The following NLGN1 variants were observed in gnomAD, a reference collection of about 807,000 sequenced individuals.
NLGN1 encodes the protein neuroligin 1.
A neutral mutation model predicts 65.5 loss-of-function variants in NLGN1; 12 were observed. The observed-to-expected ratio is 0.18, with a 90% CI of 0.12 to 0.30. NLGN1 has a LOEUF of 0.30. Ranked by LOEUF, NLGN1 falls within the 10% of genes least tolerant of loss-of-function variation. The pLI is 1.00. For missense variants in NLGN1, 750 were observed against 1,007.1 expected (o/e 0.74, Z 3.46); for synonymous variants, 350 against 359.5 (o/e 0.97, Z 0.30).
intron 4 of NLGN1, among the ~76,000 whole-genome samples, chr3:173,980,086 A>G (rs1396483706): frequency 6.6e-6 from 1 of 152,100 alleles, no homozygotes; most frequent in Non-Finnish European, 1.5e-5. Context: ...TACTTACTCA[A>G]TACAAATACA....
At chr3:174,179,351 G>T (rs1248255462) in intron 4 of NLGN1, among the ~76,000 whole-genome samples, 1 of 152,070 alleles carries the variant, frequency 6.6e-6, no homozygotes, top group Non-Finnish European at 1.5e-5. Context: ...GATAGGTAAA[G>T]TTGAATATGT....
chr3:173,434,662 C>A (rs1258804787), intron 1 of NLGN1, among the ~76,000 whole-genome samples: 1 of 152,138 alleles, frequency 6.6e-6, no homozygotes, highest in Admixed American at 6.5e-5. Flanking sequence ...TTGAATGTTC[C>A]TGTCCTTTCT....
At chr3:174,241,608 G>A (rs750879293) in intron 4 of NLGN1, among the ~76,000 whole-genome samples, 1 of 150,688 alleles carries the variant, frequency 6.6e-6, no homozygotes, top group Non-Finnish European at 1.5e-5. Context: ...GGGCACACAG[G>A]TAGTAAATTG....
At chr3:173,484,648 A>T (rs1727861502) in intron 2 of NLGN1, among the ~76,000 whole-genome samples, 1 of 152,190 alleles carries the variant, frequency 6.6e-6, no homozygotes, top group Non-Finnish European at 1.5e-5. Context: ...ACATAGGCCA[A>T]TATATCTATG....
In NLGN1 at chr3:174,160,659, A is replaced by C. The variant is rs115426300; in HGVS notation, c.647-114656A>C. 4.1e-3 allele frequency among the ~76,000 whole-genome samples: 623 copies of C among 150,428 alleles called. 4 individuals are homozygous for C. The highest frequency in any genetic ancestry group is 0.014 in the African/African-American group (597 of 41,284). The stretch of plus-strand genomic sequence containing the variant: ...TAAATATTTATCTTGTCTCCTTCCT[A>C]TATAATATATAGGAATATATATTAT... On this transcript the variant is annotated intron_variant, in intron 4 of 6. Transcript: ENST00000457714.
chr3:174,095,000 G>A (rs111474330), intron 4 of NLGN1, among the ~76,000 whole-genome samples: 2 of 152,134 alleles, frequency 1.3e-5, no homozygotes, highest in African/African-American at 4.8e-5. Flanking sequence ...ACTGTATACT[G>A]CCATTGTATC....
intron 3 of NLGN1, among the ~76,000 whole-genome samples, chr3:173,796,626 A>G (rs969746488): frequency 2.0e-5 from 3 of 152,112 alleles, no homozygotes; most frequent in African/African-American, 7.2e-5. Context: ...TGTGTTCCTC[A>G]GGGAGGACAG....
At chr3:173,547,176 C>T (rs938899441) in intron 2 of NLGN1, among the ~76,000 whole-genome samples, 1 of 152,032 alleles carries the variant, frequency 6.6e-6, no homozygotes, top group East Asian at 1.9e-4. Flanking sequence ...ACTACTTCAG[C>T]GAATATTAGT....
chr3:173,863,134 TAA>T (rs57735470), intron 4 of NLGN1, among the ~76,000 whole-genome samples: 3 of 142,644 alleles, frequency 2.1e-5, no homozygotes, highest in East Asian at 2.0e-4. Context: ...CGATGGCTGA[TAA>T]AAAAAAAAAA....
intron 2 of NLGN1, among the ~76,000 whole-genome samples, chr3:173,512,714 G>A (rs1560364709): frequency 1.3e-5 from 2 of 152,150 alleles, no homozygotes; most frequent in African/African-American, 2.4e-5. Context: ...GTTCAAAGGT[G>A]GGGATTTGCC....
At chr3:173,666,637 G>A (rs1761738030) in intron 3 of NLGN1, among the ~76,000 whole-genome samples, 3 of 152,128 alleles carry the variant, frequency 2.0e-5, no homozygotes. Context: ...CTCCTTCTTT[G>A]AAGATGATCC....
intron 4 of NLGN1, among the ~76,000 whole-genome samples, chr3:174,025,752 G>A (rs2152464043): frequency 6.6e-6 from 1 of 152,274 alleles, no homozygotes; most frequent in South Asian, 2.1e-4. Flanking sequence ...ATGCACTGTT[G>A]ATAGGAAAGT....
At chr3:173,930,629 C>T (rs1306766596) in intron 4 of NLGN1, among the ~76,000 whole-genome samples, 1 of 152,134 alleles carries the variant, frequency 6.6e-6, no homozygotes, top group Non-Finnish European at 1.5e-5. Context: ...TAGAGGATGT[C>T]TTTTGTACCC....
intron 4 of NLGN1, among the ~76,000 whole-genome samples, chr3:174,134,799 A>G (rs554439965): frequency 6.6e-6 from 1 of 152,328 alleles, no homozygotes; most frequent in African/African-American, 2.4e-5. Context: ...CGACCTGACC[A>G]GTGGAGACAC....
rs73880552 is a variant in NLGN1 at position 173,716,866 on chromosome 3, C to T, written c.494-90814C>T. ...TTGTCGTGTATCTTGATGAAGATATCGTAGCAACTGAAACACGTTGAATGC... is the reference window on the plus strand; with the variant it reads ...TTGTCGTGTATCTTGATGAAGATATTGTAGCAACTGAAACACGTTGAATGC... On this transcript the variant is annotated intron_variant, in intron 3 of 6. Transcript: ENST00000457714. Among the ~76,000 whole-genome samples the T allele has an allele frequency of 3.4e-3, 520 of 152,104 alleles. 5 individuals carry two copies. The highest frequency in any genetic ancestry group is 0.012 in the African/African-American group (492 of 41,484).
At chr3:174,172,140 A>C (rs1477006426) in intron 4 of NLGN1, among the ~76,000 whole-genome samples, 2 of 151,722 alleles carry the variant, frequency 1.3e-5, no homozygotes, top group East Asian at 3.9e-4. Flanking sequence ...GGGTTTTTAA[A>C]TTTTCATATG....
At chr3:173,655,187 A>G (rs1351063862) in intron 3 of NLGN1, among the ~76,000 whole-genome samples, 2 of 152,298 alleles carry the variant, frequency 1.3e-5, no homozygotes, top group Non-Finnish European at 2.9e-5. Context: ...ACGGAAAGAA[A>G]AAAGGAAAAA....
chr3:173,939,486 A>G (rs1745618402), intron 4 of NLGN1, among the ~76,000 whole-genome samples: 1 of 152,184 alleles, frequency 6.6e-6, no homozygotes, highest in African/African-American at 2.4e-5. Context: ...GATTATACAT[A>G]CCACAGGAAA....
chr3:173,475,806 T>C (rs1350509836), intron 2 of NLGN1, among the ~76,000 whole-genome samples: 1 of 152,214 alleles, frequency 6.6e-6, no homozygotes, highest in African/African-American at 2.4e-5. Context: ...ATGTAAATAC[T>C]CTAATCCTTG....
Sources: allele counts gnomAD v4.1 joint callset (sites outside exome capture counted in the v4.1 genomes callset), GRCh38; gene constraint gnomAD v4.1.1; transcripts MANE v1.5; gene names NCBI Gene and HGNC (gene_info 2026-07-23, HGNC 2026-07-21).